AGBL4: variants seen among roughly 807,000 people sequenced by gnomAD.
AGBL4 encodes AGBL carboxypeptidase 4, also known as cytosolic carboxypeptidase 6.
In AGBL4, 58 loss-of-function variants were observed where a neutral mutation model predicts 66.4. The ratio of observed to expected loss-of-function variants is 0.87; its 90% CI spans 0.71 to 1.09. The LOEUF (loss-of-function observed/expected upper bound fraction) is 1.09, where lower values mean the gene tolerates loss of function less well. Among genes scored for constraint, AGBL4 ranks in the 50% least tolerant of loss-of-function variants. The pLI is 0.00. For synonymous variants in AGBL4, 234 were observed against 222.9 expected (o/e 1.05, Z -0.44); for missense variants, 579 against 631.0 (o/e 0.92, Z 0.88).
intron 6 of AGBL4, among the ~76,000 whole-genome samples, chr1:48,866,978 T>C (rs981385005): frequency 1.3e-5 from 2 of 151,926 alleles, no homozygotes; most frequent in Non-Finnish European, 2.9e-5. Flanking sequence ...CTGCCACCCA[T>C]AGTCAAGAGG....
chr1:49,181,241 C>T (rs897819863), intron 4 of AGBL4, among the ~76,000 whole-genome samples: 2 of 152,194 alleles, frequency 1.3e-5, no homozygotes, highest in East Asian at 1.9e-4. Flanking sequence ...GCCTTGTACA[C>T]TCTGTTCCCA....
intron 3 of AGBL4, among the ~76,000 whole-genome samples, chr1:49,437,100 G>A (rs1423993674): frequency 6.6e-6 from 1 of 152,148 alleles, no homozygotes; most frequent in Non-Finnish European, 1.5e-5. Context: ...CAGAGTCTGA[G>A]AAAGATGAGG....
intron 3 of AGBL4, among the ~76,000 whole-genome samples, chr1:49,665,166 C>G (rs992583053): frequency 6.6e-6 from 1 of 152,244 alleles, no homozygotes; most frequent in South Asian, 2.1e-4. Context: ...CCACTTACAA[C>G]CCCAATCATA....
At chr1:49,774,037 G>A (rs2147889811) in intron 2 of AGBL4, among the ~76,000 whole-genome samples, 1 of 152,318 alleles carries the variant, frequency 6.6e-6, no homozygotes, top group Non-Finnish European at 1.5e-5. Context: ...CCTCAAAGCA[G>A]GACACACTCC....
At chr1:49,566,054 T>C (rs1644193905) in intron 3 of AGBL4, among the ~76,000 whole-genome samples, 2 of 152,228 alleles carry the variant, frequency 1.3e-5, no homozygotes, top group Non-Finnish European at 2.9e-5. Context: ...ATTCATTTCG[T>C]CTTCCATCGC....
At chr1:49,552,779 G>A (rs573021385) in intron 3 of AGBL4, among the ~76,000 whole-genome samples, 1 of 152,300 alleles carries the variant, frequency 6.6e-6, no homozygotes, top group Non-Finnish European at 1.5e-5. Flanking sequence ...CCTGCATACT[G>A]CTCTGTCTGT....
chr1:49,651,922 T>C (rs900155484), intron 3 of AGBL4, among the ~76,000 whole-genome samples: 3 of 151,996 alleles, frequency 2.0e-5, no homozygotes, highest in African/African-American at 7.2e-5. Context: ...GAAAGCTCAA[T>C]GAGTGCCAAG....
At chr1:49,164,073 T>C (rs1646588885) in intron 4 of AGBL4, among the ~76,000 whole-genome samples, 1 of 152,158 alleles carries the variant, frequency 6.6e-6, no homozygotes, top group Non-Finnish European at 1.5e-5. Flanking sequence ...GTGTGCATAG[T>C]ATATGTGTGT....
intron 1 of AGBL4, among the ~76,000 whole-genome samples, chr1:49,878,494 T>A (rs947931336): frequency 2.0e-4 from 30 of 152,208 alleles, no homozygotes; most frequent in Non-Finnish European, 3.5e-4. Context: ...TAATTCTGAG[T>A]TCTACTTTGA....
intron 1 of AGBL4, among the ~76,000 whole-genome samples, chr1:49,935,970 G>C (rs116753553): frequency 0.092 from 14,058 of 152,220 alleles, 860 homozygotes; most frequent in African/African-American, 0.16. Flanking sequence ...CCCAGCAATG[G>C]AACAACGCTG....
intron 4 of AGBL4, among the ~76,000 whole-genome samples, chr1:49,110,634 T>C (rs148766474): frequency 3.3e-5 from 5 of 152,264 alleles, no homozygotes; most frequent in Middle Eastern, 3.4e-3. Context: ...GCTCAAGGAC[T>C]GTACTCTTAG....
intron 1 of AGBL4, among the ~76,000 whole-genome samples, chr1:49,930,583 A>C (rs1220754959): frequency 1.3e-5 from 2 of 152,164 alleles, no homozygotes; most frequent in Non-Finnish European, 2.9e-5. Flanking sequence ...ATGATGTATC[A>C]TGATTAACTG....
chr1:48,967,434 T>A (rs1658537817), intron 5 of AGBL4, among the ~76,000 whole-genome samples: 1 of 152,210 alleles, frequency 6.6e-6, no homozygotes, highest in Non-Finnish European at 1.5e-5. Flanking sequence ...AATGTAACAG[T>A]GATTATTTCA....
intron 1 of AGBL4, among the ~76,000 whole-genome samples, chr1:49,990,047 C>G (rs1351819357): frequency 2.0e-5 from 3 of 152,066 alleles, no homozygotes; most frequent in African/African-American, 7.2e-5. Context: ...TCCTGTGCCT[C>G]TAGGCATAAC....
At chr1:49,724,399 A>G (rs986352081) in intron 2 of AGBL4, among the ~76,000 whole-genome samples, 1 of 152,178 alleles carries the variant, frequency 6.6e-6, no homozygotes, top group African/African-American at 2.4e-5. Context: ...TGTTGTGGCT[A>G]TAACAGCAAA....
At chr1:49,438,078 G>A (rs914356132) in intron 3 of AGBL4, among the ~76,000 whole-genome samples, 17 of 152,124 alleles carry the variant, frequency 1.1e-4, no homozygotes, top group African/African-American at 3.6e-4. Flanking sequence ...CAATCACTCC[G>A]TGAGGACTAT....
At chr1:48,664,056 C>T (rs537256230) in intron 6 of AGBL4, among the ~76,000 whole-genome samples, 1 of 152,248 alleles carries the variant, frequency 6.6e-6, no homozygotes, top group South Asian at 2.1e-4. Context: ...AGAAGGAAAA[C>T]AAATGAGATA....
chr1:49,944,414 G>T (rs998500805), intron 1 of AGBL4, among the ~76,000 whole-genome samples: 1 of 152,016 alleles, frequency 6.6e-6, no homozygotes, highest in Non-Finnish European at 1.5e-5. Flanking sequence ...CCCAAAGCCT[G>T]GTAGACCTGG....
Position 49,401,172 on chromosome 1 carries a change from A to T in AGBL4, c.283-155308T>A, listed in dbSNP as rs1462435033. ...GCTGGGGAGGTCTGAGGAAACTTAA[A>T]CTCATGGCAGGAGGCACCTCTTCAC... On this transcript the variant is annotated intron_variant, in intron 3 of 13. Transcript: ENST00000371839. Among the ~76,000 whole-genome samples the T allele has an allele frequency of 2.0e-5, 3 of 152,196 alleles. No individual in the cohort carries two copies. In the East Asian group the frequency reaches 5.8e-4, roughly 29 times the overall value.
Sources: allele counts gnomAD v4.1 joint callset (sites outside exome capture counted in the v4.1 genomes callset), GRCh38; gene constraint gnomAD v4.1.1; transcripts MANE v1.5; gene names NCBI Gene and HGNC (gene_info 2026-07-23, HGNC 2026-07-21).